Variants in MARCHF8 observed in about 807,000 individuals in gnomAD.
MARCHF8 encodes E3 ubiquitin-protein ligase MARCHF8.
A neutral mutation model predicts 51.6 loss-of-function variants in MARCHF8; 40 were observed. That is an observed-to-expected ratio of 0.77 (90% CI 0.60 to 1.01). MARCHF8 has a LOEUF of 1.01. Ranked by LOEUF, MARCHF8 falls within the 50% of genes least tolerant of loss-of-function variation. The pLI, the probability that MARCHF8 is intolerant of heterozygous loss-of-function variation, is 0.00. For missense variants in MARCHF8, 685 were observed against 708.6 expected (o/e 0.97, Z 0.38); for synonymous variants, 263 against 280.3 (o/e 0.94, Z 0.62).
At chr10:45,567,391 T>C (rs934732715) in intron 1 of MARCHF8, among the ~76,000 whole-genome samples, 2 of 152,312 alleles carry the variant, frequency 1.3e-5, no homozygotes, top group East Asian at 1.9e-4. Flanking sequence ...TGTTTCCTTG[T>C]AGTAGTTTCA....
At chr10:45,509,937 G>A (rs553253980) in intron 2 of MARCHF8, among the ~76,000 whole-genome samples, 1 of 152,242 alleles carries the variant, frequency 6.6e-6, no homozygotes, top group African/African-American at 2.4e-5. Flanking sequence ...GAACTTTAAG[G>A]AACTTTTAAC....
At chr10:45,545,122 C>T (rs2044103943) in intron 1 of MARCHF8, among the ~76,000 whole-genome samples, 1 of 152,114 alleles carries the variant, frequency 6.6e-6, no homozygotes, top group African/African-American at 2.4e-5. Flanking sequence ...CAATGAAGAA[C>T]CTCTACTTCA....
intron 2 of MARCHF8, among the ~76,000 whole-genome samples, chr10:45,493,749 C>T (rs1242956921): frequency 6.6e-6 from 1 of 152,144 alleles, no homozygotes; most frequent in East Asian, 1.9e-4. Context: ...AAATCTTGAA[C>T]CAGAAAAATC....
At chr10:45,489,528 T>A in intron 2 of MARCHF8, 111 bp from the exon 3 acceptor site, 1 of 1,003,294 alleles carries the variant, frequency 1.0e-6, no homozygotes. Flanking sequence ...AACTAGAATT[T>A]GCAAAGCACA....
chr10:45,503,960 A>C (rs1589129339), intron 2 of MARCHF8, among the ~76,000 whole-genome samples: 2 of 152,196 alleles, frequency 1.3e-5, no homozygotes, highest in East Asian at 3.8e-4. Flanking sequence ...GCAGTTACCA[A>C]GGATTGTGGG....
intron 3 of MARCHF8, among the ~76,000 whole-genome samples, chr10:45,488,019 A>C (rs1363604401): frequency 6.6e-6 from 1 of 152,164 alleles, no homozygotes; most frequent in African/African-American, 2.4e-5. Context: ...GGCCAGAGTC[A>C]ATGTGTGGGC....
intron 1 of MARCHF8, among the ~76,000 whole-genome samples, chr10:45,561,016 T>C (rs774237461): frequency 5.9e-5 from 9 of 152,180 alleles, no homozygotes; most frequent in Non-Finnish European, 8.8e-5. Flanking sequence ...CCCAGTTCTT[T>C]ATGATAAAAC....
chr10:45,481,481 G>A (rs928318195), intron 3 of MARCHF8, among the ~76,000 whole-genome samples: 16 of 151,832 alleles, frequency 1.1e-4, no homozygotes, highest in African/African-American at 2.9e-4. Context: ...CCCATGTGTC[G>A]TGGGAGGGAC....
At chr10:45,478,301 G>A (rs1451264981) in intron 3 of MARCHF8, among the ~76,000 whole-genome samples, 1 of 152,166 alleles carries the variant, frequency 6.6e-6, no homozygotes, top group Non-Finnish European at 1.5e-5. Flanking sequence ...TGACCACTGG[G>A]TGAAGGAAGA....
intron 2 of MARCHF8, among the ~76,000 whole-genome samples, chr10:45,504,151 T>C (rs971110648): frequency 2.0e-5 from 3 of 152,180 alleles, no homozygotes; most frequent in South Asian, 4.1e-4. Context: ...ACTTTTAAAA[T>C]ATACTAAGGT....
intron 2 of MARCHF8, among the ~76,000 whole-genome samples, chr10:45,495,766 G>A (rs976201638): frequency 1.4e-5 from 2 of 139,272 alleles, no homozygotes; most frequent in African/African-American, 2.7e-5. Flanking sequence ...GGGAGGGGAG[G>A]GGATGCTAGG....
chr10:45,464,215 G>A, intron 4 of MARCHF8, 24 bp downstream of exon 4: 1 of 1,607,914 alleles, frequency 6.2e-7, no homozygotes, highest in Non-Finnish European at 8.5e-7. Context: ...ACTGATCATG[G>A]CAGCATCTGA....
chr10:45,593,765 T>C (rs2044706705), intron 1 of MARCHF8: 1 of 152,192 alleles, frequency 6.6e-6, no homozygotes, highest in African/African-American at 2.4e-5. Flanking sequence ...GTATGGTATG[T>C]GAGGGTTATG....
chr10:45,514,636 C>T (rs933904488), intron 2 of MARCHF8, among the ~76,000 whole-genome samples: 1 of 152,212 alleles, frequency 6.6e-6, no homozygotes, highest in African/African-American at 2.4e-5. Flanking sequence ...TCACCTCTGC[C>T]TATAGTCTCC....
At chr10:45,484,353 C>T (rs1386651650) in intron 3 of MARCHF8, among the ~76,000 whole-genome samples, 1 of 152,046 alleles carries the variant, frequency 6.6e-6, no homozygotes, top group African/African-American at 2.4e-5. Context: ...CAGGATGGCT[C>T]GTGGGCCCAC....
intron 3 of MARCHF8, among the ~76,000 whole-genome samples, chr10:45,487,960 C>T (rs528744066): frequency 2.0e-5 from 3 of 151,990 alleles, no homozygotes; most frequent in South Asian, 2.1e-4. Flanking sequence ...GGGAAAAGGT[C>T]CACCCTTACA....
chr10:45,514,319 G>C (rs2133212256), intron 2 of MARCHF8, among the ~76,000 whole-genome samples: 1 of 152,326 alleles, frequency 6.6e-6, no homozygotes, highest in South Asian at 2.1e-4. Context: ...CAGCTGACAG[G>C]GCACGTCTCC....
In MARCHF8 at chr10:45,463,450, G is replaced by A; in HGVS notation, c.789C>T (p.Phe263=). 1 of 1,550,648 alleles carries A rather than the reference G, an allele frequency of 6.4e-7. No homozygotes were observed. Among genetic ancestry groups the A allele is most frequent in the Non-Finnish European group, 8.7e-7 (1 of 1,147,010 alleles). The stretch of plus-strand genomic sequence containing the variant: ...TGGCGCTCAAGCCGTGCGAGAGTGA[G>A]AACAGGTACTGGAGCAGTTGCCGGC... ...SRSRQLLQYL[F]SLSHGLSASS... The change falls in exon 5 of 8, where the codon TTC becomes TTT. Residue 263 remains phenylalanine (F), a synonymous_variant. Coordinates refer to ENST00000453424, the MANE Select transcript of MARCHF8 (RefSeq NM_001282866.2).
chr10:45,575,111 T>C (rs895669266), intron 1 of MARCHF8, among the ~76,000 whole-genome samples: 4 of 152,142 alleles, frequency 2.6e-5, no homozygotes, highest in Non-Finnish European at 4.4e-5. Flanking sequence ...TCAGATCCCA[T>C]TGCTCAGGAC....
Sources: gnomAD v4.1 joint callset for allele counts (sites outside exome capture counted in the v4.1 genomes callset) on GRCh38, gnomAD v4.1.1 for gene constraint, MANE v1.5 for transcripts, NCBI Gene and HGNC (gene_info 2026-07-23, HGNC 2026-07-21) for gene names.